VPS13B: variants seen among roughly 807,000 people sequenced by gnomAD.
VPS13B encodes the protein vacuolar protein sorting 13 homolog B, also known as intermembrane lipid transfer protein VPS13B.
Under a neutral mutation model 426.4 loss-of-function variants are expected in VPS13B, and 285 were observed. The ratio of observed to expected loss-of-function variants is 0.67; its 90% CI spans 0.61 to 0.74. The LOEUF (loss-of-function observed/expected upper bound fraction) is 0.74. VPS13B is among the 30% of genes least tolerant of loss of function. The pLI is 0.00. For synonymous variants in VPS13B, 1,676 were observed against 1,676.4 expected, an observed-to-expected ratio of 1.00 and a Z score of 0.01; for missense variants, 4,537 against 4,782.6, an observed-to-expected ratio of 0.95 and a Z score of 1.51.
At position 99,696,982 on chromosome 8, in the gene VPS13B, C is replaced by G; in HGVS notation, c.6047-2543C>G. On this transcript the variant is annotated intron_variant, in intron 35 of 61. Coordinates refer to ENST00000357162, the MANE Select transcript of VPS13B (RefSeq NM_152564.5). Reference sequence around the variant, plus strand: ...AACCTGAACGTCAAGGGGCTGCAGCCGGCGTGTGGGAAGTGAGGTATGTGG... The same window carrying G: ...AACCTGAACGTCAAGGGGCTGCAGCGGGCGTGTGGGAAGTGAGGTATGTGG... 4.9e-6 allele frequency: 3 copies of G among 618,106 alleles called. No homozygotes were observed. In the South Asian group the frequency reaches 5.1e-5, roughly 11 times the overall value. The allele number at this position is 618,106 out of a possible 1,614,324, so 38.3% of individuals were successfully genotyped here.
intron 33 of VPS13B, among the ~76,000 whole-genome samples, chr8:99,615,556 T>C (rs1009458042): frequency 6.6e-6 from 1 of 152,230 alleles, no homozygotes; most frequent in Non-Finnish European, 1.5e-5. Flanking sequence ...TGTAAGTTTT[T>C]AAAAACTCTT....
chr8:99,835,197 G>T lies in VPS13B; in HGVS notation c.9615G>T (p.Arg3205Ser). 6.2e-7 allele frequency: 1 copy of T among 1,613,746 alleles called. No individual in the cohort carries two copies. ...GNFRENGFCT[R>S]AIVLTYQEHL... ...GTCATTTGACTTGATTCTCTTCCAG[G>T]GCTATAGTGCTGACATATCAAGAAC... is the stretch of plus-strand genomic sequence containing the variant. The change falls in exon 53 of 62, where the codon AGG becomes AGT. Residue 3205 changes from arginine to serine, a missense_variant and splice_region_variant. By Grantham distance (110) the Arg-to-Ser change is moderately radical. Around this residue, in one of 2 missense-constraint regions of VPS13B, gnomAD observed 4,311 missense variants for 4,474.3 expected, o/e 0.96. Coordinates refer to ENST00000357162, the MANE Select transcript of VPS13B (RefSeq NM_152564.5).
intron 19 of VPS13B, among the ~76,000 whole-genome samples, chr8:99,350,166 G>A (rs1371290461): frequency 6.6e-6 from 1 of 152,012 alleles, no homozygotes; most frequent in African/African-American, 2.4e-5. Flanking sequence ...GAATGAAGGG[G>A]GAGAAATAAT....
At chr8:99,192,814 A>G in intron 16 of VPS13B, 62 bp from the exon 17 acceptor site, 6 of 1,573,006 alleles carry the variant, frequency 3.8e-6, no homozygotes, top group Admixed American at 3.4e-5. Context: ...TAAGTCATTT[A>G]GTATTTTGTT....
At chr8:99,461,999 C>G (rs968820743) in intron 23 of VPS13B, among the ~76,000 whole-genome samples, 4 of 152,136 alleles carry the variant, frequency 2.6e-5, no homozygotes, top group African/African-American at 9.7e-5. Flanking sequence ...ATTGGTTCAA[C>G]AAAAGAATCT....
chr8:99,308,617 G>T (rs1048617458), intron 19 of VPS13B, among the ~76,000 whole-genome samples: 1 of 152,036 alleles, frequency 6.6e-6, no homozygotes, highest in Admixed American at 6.6e-5. Context: ...CTTTGCTATT[G>T]TGAATAGTGC....
Position 99,471,380 on chromosome 8 carries a change from G to A in VPS13B, c.3666+3746G>A, listed in dbSNP as rs535749164. Among the ~76,000 whole-genome samples the A allele has an allele frequency of 2.6e-5, 4 of 152,194 alleles. No homozygotes were observed. The East Asian group carries it at 5.8e-4, about 22-fold the overall frequency. On this transcript the variant is annotated intron_variant, in intron 24 of 61. Coordinates refer to ENST00000357162, the MANE Select transcript of VPS13B (RefSeq NM_152564.5). ...ATAGCATTAAGGCTAGTGGAAGATG[G>A]AGTAAAAGAATCTATGGTTGCCAAG...
At chr8:99,338,289 A>AAATGGAC (rs1233167709) in intron 19 of VPS13B, among the ~76,000 whole-genome samples, 1 of 152,164 alleles carries the variant, frequency 6.6e-6, no homozygotes, top group African/African-American at 2.4e-5. Flanking sequence ...TTGAAGAACA[A>AAATGGAC]AATGGACATT....
chr8:99,084,447 G>A (rs915566062), intron 3 of VPS13B, among the ~76,000 whole-genome samples: 89 of 152,074 alleles, frequency 5.9e-4, no homozygotes, highest in African/African-American at 9.2e-4. Context: ...TTGTGTCTCT[G>A]TTTCCTTCAG....
chr8:99,169,116 A>C (rs1812182314), intron 15 of VPS13B, among the ~76,000 whole-genome samples: 1 of 152,022 alleles, frequency 6.6e-6, no homozygotes, highest in South Asian at 2.1e-4. Context: ...GTTGATATTA[A>C]TTCTAGAGAT....
chr8:99,872,219 G>A (rs1203505361), intron 61 of VPS13B, among the ~76,000 whole-genome samples: 2 of 152,164 alleles, frequency 1.3e-5, no homozygotes, highest in Admixed American at 6.5e-5. Flanking sequence ...CAATGCAGAA[G>A]CAAGGGGCAT....
At chr8:99,037,855 A>G (rs1267595284) in intron 2 of VPS13B, among the ~76,000 whole-genome samples, 2 of 142,336 alleles carry the variant, frequency 1.4e-5, no homozygotes, top group Non-Finnish European at 3.1e-5. Flanking sequence ...TTTTTTTTTT[A>G]AGTTGATCAG....
In VPS13B at chr8:99,163,868, G is replaced by C. The variant is rs949632036; in HGVS notation, c.2209-6171G>C. Among the ~76,000 whole-genome samples, 9 of 152,226 alleles carry C rather than the reference G, an allele frequency of 5.9e-5. No homozygotes were observed. In the East Asian group the frequency reaches 1.7e-3, roughly 29 times the overall value. ...TCCCACAGTGCAGTGGGGGCTGAAG[G>C]GCTCCTCAAATGCAACCAAAGTGGG... On this transcript the variant is annotated intron_variant, in intron 15 of 61. Transcript: ENST00000357162.
chr8:99,587,563 T>C (rs1202188369), intron 33 of VPS13B, among the ~76,000 whole-genome samples: 1 of 151,740 alleles, frequency 6.6e-6, no homozygotes, highest in Non-Finnish European at 1.5e-5. Flanking sequence ...TTGCATTTCT[T>C]TGATGACCAG....
intron 23 of VPS13B, among the ~76,000 whole-genome samples, chr8:99,450,616 T>G (rs571617251): frequency 1.1e-4 from 16 of 152,124 alleles, no homozygotes; most frequent in Admixed American, 5.2e-4. Context: ...AGGAGGCTGA[T>G]GCAGGAGAAT....
chr8:99,874,508 G>GTCTT (rs1383443489), intron 61 of VPS13B, among the ~76,000 whole-genome samples: 1 of 152,254 alleles, frequency 6.6e-6, no homozygotes, highest in Non-Finnish European at 1.5e-5. Context: ...CTAGAAACAA[G>GTCTT]TCTTTCTTTA....
chr8:99,688,779 T>C (rs574449306), intron 35 of VPS13B, among the ~76,000 whole-genome samples: 1 of 152,156 alleles, frequency 6.6e-6, no homozygotes, highest in South Asian at 2.1e-4. Flanking sequence ...ATGTATGTAA[T>C]GTATATACAT....
At chr8:99,664,065 G>A (rs1830351864) in intron 35 of VPS13B, among the ~76,000 whole-genome samples, 1 of 148,466 alleles carries the variant, frequency 6.7e-6, no homozygotes, top group South Asian at 2.1e-4. Flanking sequence ...GGAGTGCAGT[G>A]GTGTGATCTT....
intron 16 of VPS13B, among the ~76,000 whole-genome samples, chr8:99,180,451 A>G (rs370644043): frequency 3.1e-4 from 47 of 152,342 alleles, no homozygotes; most frequent in African/African-American, 1.1e-3. Context: ...CTGAAGAGGT[A>G]GAGCCAACAC....
Sources: gnomAD v4.1 joint callset for allele counts (sites outside exome capture counted in the v4.1 genomes callset) on GRCh38, gnomAD v4.1.1 for gene constraint, gnomAD v4.1.1 regional missense constraint, MANE v1.5 for transcripts, NCBI Gene and HGNC (gene_info 2026-07-23, HGNC 2026-07-21) for gene names.